CSMD3: variants seen among roughly 807,000 people sequenced by gnomAD.
CSMD3 encodes the protein CUB and Sushi multiple domains 3.
A neutral mutation model predicts 435.2 loss-of-function variants in CSMD3; 177 were observed. The ratio of observed to expected loss-of-function variants is 0.41; its 90% CI spans 0.36 to 0.46. The LOEUF (loss-of-function observed/expected upper bound fraction) is 0.46, where lower values mean the gene tolerates loss of function less well. CSMD3 is among the 20% of genes least tolerant of loss of function. The pLI, the probability that CSMD3 is intolerant of heterozygous loss-of-function variation, is 0.34. For synonymous variants in CSMD3, 1,656 were observed against 1,520.5 expected, an observed-to-expected ratio of 1.09 and a Z score of -2.07; for missense variants, 4,265 against 4,504.6, an observed-to-expected ratio of 0.95 and a Z score of 1.52.
chr8:112,744,190 T>C (rs2077377247), intron 13 of CSMD3, among the ~76,000 whole-genome samples: 3 of 152,090 alleles, frequency 2.0e-5, no homozygotes, highest in Admixed American at 2.0e-4. Context: ...GTCTCTGTTA[T>C]ATTGAAGGAT....
intron 13 of CSMD3, among the ~76,000 whole-genome samples, chr8:112,715,083 T>C (rs2076694628): frequency 6.6e-6 from 1 of 151,986 alleles, no homozygotes; most frequent in Non-Finnish European, 1.5e-5. Context: ...AGGGCAGAAT[T>C]GAAGGAGATA....
At chr8:113,382,161 G>C (rs1456619931) in intron 1 of CSMD3, among the ~76,000 whole-genome samples, 1 of 152,028 alleles carries the variant, frequency 6.6e-6, no homozygotes, top group Non-Finnish European at 1.5e-5. Flanking sequence ...ATTCTTTAAA[G>C]TATATAAAGA....
In CSMD3 at chr8:112,533,457, G is replaced by A. The variant is rs369318380; in HGVS notation, c.4565-16232C>T. Among the ~76,000 whole-genome samples, 49 of 151,990 alleles carry A rather than the reference G, an allele frequency of 3.2e-4. No individual in the cohort carries two copies. The East Asian group carries it at 6.6e-3, about 20-fold the overall frequency. ...TTTATGCAAACGGAAACCAAAAAAAGAGCAAGAGTAGCTATACTTAGATAA... is the reference window on the plus strand; with the variant it reads ...TTTATGCAAACGGAAACCAAAAAAAAAGCAAGAGTAGCTATACTTAGATAA... On this transcript the variant is annotated intron_variant, in intron 27 of 70. Coordinates refer to ENST00000297405, the MANE Select transcript of CSMD3 (RefSeq NM_198123.2).
At chr8:112,476,441 C>G (rs1367738742) in intron 31 of CSMD3, among the ~76,000 whole-genome samples, 1 of 152,098 alleles carries the variant, frequency 6.6e-6, no homozygotes, top group Non-Finnish European at 1.5e-5. Flanking sequence ...AAATGAAGGA[C>G]TTGAGACTTT....
At position 112,949,450 on chromosome 8, in the gene CSMD3, C is replaced by A. The variant is rs567273424; in HGVS notation, c.1421-1573G>T. Among the ~76,000 whole-genome samples, 66 of 152,042 alleles carry A rather than the reference C, an allele frequency of 4.3e-4. 1 individual carries two copies. In the South Asian group the frequency reaches 0.014, roughly 31 times the overall value. The stretch of plus-strand genomic sequence containing the variant: ...CTTACTTTTGCCGATTCTACTACAG[C>A]GGACAAATTGAAAGGCATTGGCTCA... On this transcript the variant is annotated intron_variant, in intron 8 of 70. Transcript: ENST00000297405.
intron 6 of CSMD3, among the ~76,000 whole-genome samples, chr8:112,987,373 C>T (rs556016304): frequency 3.9e-5 from 6 of 152,110 alleles, no homozygotes; most frequent in East Asian, 3.9e-4. Context: ...ACACTATAAA[C>T]GTATTTGACA....
intron 32 of CSMD3, among the ~76,000 whole-genome samples, chr8:112,429,592 T>C (rs1231266253): frequency 6.6e-6 from 1 of 152,190 alleles, no homozygotes; most frequent in African/African-American, 2.4e-5. Flanking sequence ...ATTACTAGTA[T>C]GAAAAGCTGT....
chr8:113,211,621 G>A (rs757207494), intron 3 of CSMD3, among the ~76,000 whole-genome samples: 10 of 152,100 alleles, frequency 6.6e-5, no homozygotes, highest in Non-Finnish European at 1.0e-4. Context: ...CCCAGGAGAC[G>A]GAGGTTGCAG....
chr8:113,300,150 T>A (rs1237207921), intron 2 of CSMD3, among the ~76,000 whole-genome samples: 4 of 93,870 alleles, frequency 4.3e-5, no homozygotes, highest in Non-Finnish European at 5.8e-5. Flanking sequence ...TGAGACTCTG[T>A]CTCAAAAAAG....
chr8:112,443,148 G>A lies in CSMD3; in HGVS notation c.5395+29443C>T, dbSNP rs978196341. 5.9e-5 allele frequency among the ~76,000 whole-genome samples: 9 copies of A among 152,114 alleles called. 1 individual carries two copies. The highest frequency in any genetic ancestry group is 5.2e-4 in the Admixed American group (8 of 15,262). On this transcript the variant is annotated intron_variant, in intron 32 of 70. Transcript: ENST00000297405. Reference sequence around the variant, plus strand: ...AGAAACTTATGTAAAGTGCAAAGTGGAGTGTTTAAGACACTAGTGTTAAGT... The same window carrying A: ...AGAAACTTATGTAAAGTGCAAAGTGAAGTGTTTAAGACACTAGTGTTAAGT...
intron 17 of CSMD3, among the ~76,000 whole-genome samples, chr8:112,664,987 T>G (rs1313838795): frequency 1.3e-5 from 2 of 152,140 alleles, no homozygotes; most frequent in African/African-American, 4.8e-5. Context: ...AACAAGATAG[T>G]GTTAAATTAA....
At chr8:113,034,654 T>G (rs2087261241) in intron 5 of CSMD3, among the ~76,000 whole-genome samples, 1 of 152,216 alleles carries the variant, frequency 6.6e-6, no homozygotes, top group Non-Finnish European at 1.5e-5. Flanking sequence ...ACCCTTTGAC[T>G]TACACTATAA....
At chr8:113,137,484 G>C (rs1263663163) in intron 4 of CSMD3, among the ~76,000 whole-genome samples, 1 of 151,584 alleles carries the variant, frequency 6.6e-6, no homozygotes, top group Non-Finnish European at 1.5e-5. Context: ...CAAAATATTT[G>C]AGACTGAGTA....
intron 10 of CSMD3, among the ~76,000 whole-genome samples, chr8:112,905,584 C>A (rs1289406062): frequency 6.6e-6 from 1 of 151,316 alleles, no homozygotes; most frequent in Non-Finnish European, 1.5e-5. Context: ...TGTCTCCCTC[C>A]AGAGCAAAGA....
At chr8:112,497,222 G>A (rs1376103215) in intron 30 of CSMD3, among the ~76,000 whole-genome samples, 2 of 152,030 alleles carry the variant, frequency 1.3e-5, no homozygotes, top group Admixed American at 6.5e-5. Context: ...GGAAGAGTAA[G>A]GGGTGGGAAG....
rs536512786 is a variant in CSMD3 at position 112,989,245 on chromosome 8, T to C, written c.1031-13097A>G. 3.4e-4 allele frequency among the ~76,000 whole-genome samples: 51 copies of C among 152,144 alleles called. No homozygotes were observed. In the South Asian group the frequency reaches 9.3e-3, roughly 28 times the overall value. On this transcript the variant is annotated intron_variant, in intron 6 of 70. Transcript: ENST00000297405. ...AGTTATTTAAGAAAAAGACCTGATATATGGCACTTTTACTCAGACTGTCAG... is the reference window on the plus strand; with the variant it reads ...AGTTATTTAAGAAAAAGACCTGATACATGGCACTTTTACTCAGACTGTCAG...
At chr8:112,841,517 TC>T (rs764955118) in intron 11 of CSMD3, among the ~76,000 whole-genome samples, 3 of 151,868 alleles carry the variant, frequency 2.0e-5, no homozygotes, top group Admixed American at 6.6e-5. Flanking sequence ...CCTGTGTTTA[TC>T]CTTTTATTGT....
intron 6 of CSMD3, among the ~76,000 whole-genome samples, chr8:113,013,676 A>AAACT (rs1414323019): frequency 9.9e-5 from 15 of 152,182 alleles, no homozygotes; most frequent in African/African-American, 3.4e-4. Flanking sequence ...AATCTTCAGG[A>AAACT]AACTGAAGGA....
intron 3 of CSMD3, among the ~76,000 whole-genome samples, chr8:113,203,011 A>C (rs181369751): frequency 6.6e-6 from 1 of 152,144 alleles, no homozygotes; most frequent in Non-Finnish European, 1.5e-5. Context: ...AGAGAAACCC[A>C]TATTTTTTCA....
Sources: gnomAD v4.1 joint callset for allele counts (sites outside exome capture counted in the v4.1 genomes callset) on GRCh38, gnomAD v4.1.1 for gene constraint, MANE v1.5 for transcripts, NCBI Gene and HGNC (gene_info 2026-07-23, HGNC 2026-07-21) for gene names.